Variants in TRPC3 observed in about 807,000 individuals in gnomAD.
TRPC3 encodes the protein transient receptor potential cation channel subfamily C member 3, also known as short transient receptor potential channel 3.
A neutral mutation model predicts 90.9 loss-of-function variants in TRPC3; 54 were observed. The ratio of observed to expected loss-of-function variants is 0.59; its 90% CI spans 0.48 to 0.75. The LOEUF is 0.75. TRPC3 is among the 30% of genes least tolerant of loss of function. The pLI is 0.00. For missense variants in TRPC3, 918 were observed against 1,194.5 expected (o/e 0.77, Z 3.41); for synonymous variants, 424 against 450.9 (o/e 0.94, Z 0.75).
intron 2 of TRPC3, among the ~76,000 whole-genome samples, chr4:121,930,406 C>A (rs1425775367): frequency 6.6e-6 from 1 of 151,992 alleles, no homozygotes; most frequent in African/African-American, 2.4e-5. Context: ...TGATATTTCC[C>A]CACCCCTGAA....
At chr4:121,896,737 C>A (rs1321021888) in intron 10 of TRPC3, among the ~76,000 whole-genome samples, 2 of 152,062 alleles carry the variant, frequency 1.3e-5, no homozygotes, top group African/African-American at 4.8e-5. Context: ...TCTACAGATT[C>A]AATGCAACTC....
In TRPC3 at chr4:121,879,691, T is replaced by G. The variant is rs202072282; in HGVS notation, c.*45A>C. 1 of 1,561,018 alleles carries G rather than the reference T, an allele frequency of 6.4e-7. No individual in the cohort carries two copies. Among genetic ancestry groups the G allele is most frequent in the South Asian group, 1.3e-5 (1 of 79,424 alleles). ...AGTATTTCATACTTAGAAATATTAT[T>G]GCCCACATTTGTGCTATAGTCAAAG... On this transcript the variant is annotated 3_prime_UTR_variant, in exon 12 of 12. Coordinates refer to ENST00000379645, the MANE Select transcript of TRPC3 (RefSeq NM_001130698.2).
intron 2 of TRPC3, among the ~76,000 whole-genome samples, chr4:121,928,459 T>A (rs1401098552): frequency 6.6e-6 from 1 of 152,218 alleles, no homozygotes; most frequent in African/African-American, 2.4e-5. Flanking sequence ...GAACAGCCTC[T>A]CTTCAGCTGC....
rs1002072267 is a variant in TRPC3 at position 121,894,558 on chromosome 4, T to G, written c.2547+5054A>C. On this transcript the variant is annotated intron_variant, in intron 10 of 11. Coordinates refer to ENST00000379645, the MANE Select transcript of TRPC3 (RefSeq NM_001130698.2). ...ACAGCTGGAAAGTACACATTCTGTTTTTTTTTTTTTTTTTTTTTTTTTTGA... is the reference window on the plus strand; with the variant it reads ...ACAGCTGGAAAGTACACATTCTGTTGTTTTTTTTTTTTTTTTTTTTTTTGA... Among the ~76,000 whole-genome samples the G allele has an allele frequency of 1.2e-4, 15 of 127,700 alleles. No homozygotes were observed. In the South Asian group the frequency reaches 4.2e-3, roughly 36 times the overall value. 83.8% of individuals were successfully genotyped at this position (127,700 alleles called of 152,430 possible). A position where few individuals can be genotyped will look rare whatever the true frequency, so the allele number is the denominator to read the frequency against.
intron 7 of TRPC3, among the ~76,000 whole-genome samples, chr4:121,906,165 T>A: frequency 6.6e-6 from 1 of 152,098 alleles, no homozygotes; most frequent in Non-Finnish European, 1.5e-5. Flanking sequence ...ATTGTGCTTA[T>A]TTTAAAAATA....
chr4:121,948,822 C>A (rs1314745831), intron 1 of TRPC3, among the ~76,000 whole-genome samples: 1 of 149,402 alleles, frequency 6.7e-6, no homozygotes. Context: ...CGCACTTGAC[C>A]CTTTATAACT....
chr4:121,901,531 A>G (rs981598449), intron 9 of TRPC3, among the ~76,000 whole-genome samples: 6 of 152,208 alleles, frequency 3.9e-5, no homozygotes, highest in African/African-American at 1.4e-4. Context: ...TTATCTATAA[A>G]ATGGGAATAA....
chr4:121,912,070 A>C lies in TRPC3; in HGVS notation c.1365T>G (p.Pro455=), dbSNP rs766954938. The C allele has an allele frequency of 1.9e-6, 3 of 1,613,632 alleles. No homozygotes were observed. The highest frequency in any genetic ancestry group is 2.2e-5 in the South Asian group (2 of 91,040). ...CSRLGKILRS[P]FMKFVAHAAS... ...CTGCATGTGCTACAAACTTCATAAA[A>C]GGGCTTCGCAGAATTTTCCCCAGCT... Residue 455 remains proline (P), a synonymous_variant, in exon 5 of 12, where the codon CCT becomes CCG. Transcript: ENST00000379645.
At chr4:121,915,410 C>CA (rs1475940446) in intron 3 of TRPC3, among the ~76,000 whole-genome samples, 1 of 152,156 alleles carries the variant, frequency 6.6e-6, no homozygotes. Flanking sequence ...ATGCTACATA[C>CA]AAAAAAATGC....
intron 3 of TRPC3, among the ~76,000 whole-genome samples, chr4:121,921,293 C>T (rs1408720210): frequency 2.0e-5 from 3 of 151,972 alleles, no homozygotes; most frequent in Admixed American, 6.5e-5. Flanking sequence ...GAGGCCGAGG[C>T]GGGCGGATCA....
intron 2 of TRPC3, among the ~76,000 whole-genome samples, chr4:121,930,005 G>A (rs1729846352): frequency 6.6e-6 from 1 of 152,090 alleles, no homozygotes; most frequent in South Asian, 2.1e-4. Context: ...CCCTTTCAGA[G>A]CTCAGAGTCT....
chr4:121,885,352 T>A (rs936603864), intron 10 of TRPC3, among the ~76,000 whole-genome samples: 1 of 152,170 alleles, frequency 6.6e-6, no homozygotes, highest in Non-Finnish European at 1.5e-5. Context: ...CCTATCGCAA[T>A]AGTTCCTGAA....
Position 121,879,640 on chromosome 4 carries a change from C to A in TRPC3, c.*96G>T. On this transcript the variant is annotated 3_prime_UTR_variant, in exon 12 of 12. Transcript: ENST00000379645. ...GTTCACATGATAAAGGTAGTTAATA[C>A]TAAAAATTTACATCATAGTTTTTCA... 7.2e-7 allele frequency: 1 copy of A among 1,386,492 alleles called. No homozygotes were observed. The highest frequency in any genetic ancestry group is 1.5e-5 in the African/African-American group (1 of 67,136). 85.9% of individuals were successfully genotyped at this position (1,386,492 alleles called of 1,614,324 possible).
Position 121,932,958 on chromosome 4 carries a change from G to C in TRPC3, c.300C>G (p.Phe100Leu), listed in dbSNP as rs765544552. The part of the protein sequence containing the change: ...GRRQAVRGPA[F>L]MFNDRGTSLT... ...GGCTGGTGCCGCGGTCATTGAACATGAAGGCCGGGCCCCTGACAGCCTGGC... is the reference window on the plus strand; with the variant it reads ...GGCTGGTGCCGCGGTCATTGAACATCAAGGCCGGGCCCCTGACAGCCTGGC... Residue 100 changes from phenylalanine (F) to leucine (L), a missense_variant, in exon 2 of 12, where the codon TTC becomes TTG. By Grantham distance (22) the Phe-to-Leu change is conservative (BLOSUM62 0). Around this residue, in one of 4 missense-constraint regions of TRPC3, gnomAD observed 609 missense variants for 725.9 expected, o/e 0.84. Transcript: ENST00000379645. This position sits in a 1 kb window ranked among gnomAD's most constrained non-coding sequence, Gnocchi z 7.7. 3 of 1,613,498 alleles carry C rather than the reference G, an allele frequency of 1.9e-6. No individual in the cohort carries two copies. The highest frequency in any genetic ancestry group is 2.5e-6 in the Non-Finnish European group (3 of 1,179,750).
intron 10 of TRPC3, among the ~76,000 whole-genome samples, chr4:121,883,106 G>A (rs935939855): frequency 2.6e-5 from 4 of 151,878 alleles, no homozygotes; most frequent in Admixed American, 2.0e-4. Context: ...AATTAAATTG[G>A]AGCCCTATTT....
At chr4:121,903,316 G>A (rs1169823432) in intron 8 of TRPC3, among the ~76,000 whole-genome samples, 2 of 151,640 alleles carry the variant, frequency 1.3e-5, no homozygotes, top group African/African-American at 2.4e-5. Flanking sequence ...CCAAAAACAA[G>A]GCAAAAAAGA....
chr4:121,949,946 GT>G (rs1253132275), intron 1 of TRPC3, among the ~76,000 whole-genome samples: 1 of 152,022 alleles, frequency 6.6e-6, no homozygotes, highest in East Asian at 1.9e-4. Context: ...AGGATTTAAG[GT>G]TTTTAAAAAA....
intron 6 of TRPC3, among the ~76,000 whole-genome samples, chr4:121,908,519 A>C (rs1455100893): frequency 6.6e-6 from 1 of 152,190 alleles, no homozygotes; most frequent in Admixed American, 6.5e-5. Flanking sequence ...AATGTGGTAC[A>C]TATACTCCAT....
In TRPC3 at chr4:121,951,364, G is replaced by T; in HGVS notation, c.215+102C>A. 1.3e-6 allele frequency: 1 copy of T among 744,246 alleles called. No homozygotes were observed. Among genetic ancestry groups the T allele is most frequent in the Non-Finnish European group, 1.7e-6 (1 of 578,826 alleles). The allele number at this position is 744,246 out of a possible 1,614,324, so 46.1% of individuals were successfully genotyped here. A position where few individuals can be genotyped will look rare whatever the true frequency, so the allele number is the denominator to read the frequency against. On this transcript the variant is annotated intron_variant, in intron 1 of 11. Transcript: ENST00000379645. The surrounding 1 kb of genome is among the most constrained non-coding windows in gnomAD (Gnocchi z 4.4). ...TGCCTGGCCGTACCATGTGGGTCTC[G>T]GAGGTCCCGGGCTCGACGTGGAGCC...
Sources: allele counts gnomAD v4.1 joint callset (sites outside exome capture counted in the v4.1 genomes callset), GRCh38; gene constraint gnomAD v4.1.1; regional missense constraint gnomAD v4.1.1; non-coding constraint Gnocchi (gnomAD v3.1); transcripts MANE v1.5; gene names NCBI Gene and HGNC (gene_info 2026-07-23, HGNC 2026-07-21).